TRNT1: variants seen among roughly 807,000 people sequenced by gnomAD.
TRNT1 encodes tRNA nucleotidyl transferase 1.
In TRNT1, 44 loss-of-function variants were observed where a neutral mutation model predicts 45.6. That is an observed-to-expected ratio of 0.97 (90% confidence interval 0.76 to 1.24). TRNT1 has a LOEUF of 1.24. TRNT1 is among the 50% of genes most tolerant of loss of function. The pLI is 0.00. For synonymous variants in TRNT1, 201 were observed against 171.4 expected (o/e 1.17, Z -1.35); for missense variants, 633 against 504.4 (o/e 1.25, Z -2.44).
At position 3,148,247 on chromosome 3, in the gene TRNT1, A is replaced by AAGAC; in HGVS notation, c.*96_*99dup. On this transcript the variant is annotated 3_prime_UTR_variant, in exon 8 of 8. Coordinates refer to ENST00000251607, the MANE Select transcript of TRNT1 (RefSeq NM_182916.3). ...GGTTTTAGAGACTACACCAGAATAAAAGACAGTTTAGGGGACCTCTGTAGA... is the reference window on the plus strand; with the variant it reads ...GGTTTTAGAGACTACACCAGAATAAAAGACAGACAGTTTAGGGGACCTCTGTAGA... 1.4e-6 allele frequency: 2 copies of AAGAC among 1,425,090 alleles called. No individual in the cohort carries two copies. The highest frequency in any genetic ancestry group is 1.9e-6 in the Non-Finnish European group (2 of 1,052,434). The allele number at this position is 1,425,090 out of a possible 1,614,324, so 88.3% of individuals were successfully genotyped here.
intron 3 of TRNT1, among the ~76,000 whole-genome samples, chr3:3,137,811 A>G (rs1295747655): frequency 1.3e-5 from 2 of 152,122 alleles, no homozygotes; most frequent in African/African-American, 2.4e-5. Flanking sequence ...TAGTATATTT[A>G]TATCATAATT....
chr3:3,151,832 C>CAAACAAAG (rs756014342), downstream of TRNT1, among the ~76,000 whole-genome samples: 35 of 151,916 alleles, frequency 2.3e-4, no homozygotes, highest in Non-Finnish European at 4.3e-4. Context: ...CTGAAGCAAA[C>CAAACAAAG]AAACAAAAGG....
At chr3:3,139,786 G>C (rs540041613) in intron 3 of TRNT1, among the ~76,000 whole-genome samples, 3 of 152,298 alleles carry the variant, frequency 2.0e-5, no homozygotes, top group Non-Finnish European at 4.4e-5. Flanking sequence ...GGAGTGCACA[G>C]TGTGATCTCG....
At chr3:3,153,165 A>G, downstream of TRNT1, 1 of 428,942 alleles carries the variant, frequency 2.3e-6, no homozygotes, top group South Asian at 2.3e-5. Flanking sequence ...GATTGTCAAC[A>G]AGAATTAGGG....
chr3:3,146,651 T>G, intron 6 of TRNT1, 28 bp downstream of exon 6: 2 of 1,501,288 alleles, frequency 1.3e-6, no homozygotes, highest in Non-Finnish European at 1.8e-6. Flanking sequence ...AGTGTTTGAA[T>G]TTTTGGCAGT....
At chr3:3,130,223 G>A (rs1214456385) in intron 2 of TRNT1, 1 of 425,920 alleles carries the variant, frequency 2.3e-6, no homozygotes, top group African/African-American at 2.0e-5. Context: ...TTCACCTGGG[G>A]AGCTTTTAAA....
chr3:3,151,051 A>G (rs777941167), downstream of TRNT1: 26 of 1,613,564 alleles, frequency 1.6e-5, no homozygotes, highest in South Asian at 2.6e-4. Context: ...CATACCTAAG[A>G]AATTAAGGAA....
chr3:3,147,901 C>G lies in TRNT1; in HGVS notation c.1057-5C>G, dbSNP rs111642741. 6.2e-7 allele frequency: 1 copy of G among 1,603,284 alleles called. No individual in the cohort carries two copies. The highest frequency in any genetic ancestry group is 1.7e-5 in the Admixed American group (1 of 58,308). ...CGAAACTAAATGTTTGATTTTGACACGTAGTCTAGGGAACCTGATGCAACT... is the reference window on the plus strand; with the variant it reads ...CGAAACTAAATGTTTGATTTTGACAGGTAGTCTAGGGAACCTGATGCAACT... On this transcript the variant is annotated splice_region_variant and splice_polypyrimidine_tract_variant and intron_variant, in intron 7 of 7. Transcript: ENST00000251607.
chr3:3,147,872 G>A (rs1335595781), intron 7 of TRNT1, 34 bp from the exon 8 acceptor site: 4 of 1,587,846 alleles, frequency 2.5e-6, no homozygotes, highest in Non-Finnish European at 2.6e-6. Context: ...GTTTTCATGT[G>A]TGACGAAACT....
chr3:3,152,150 A>AT (rs66844241), downstream of TRNT1, among the ~76,000 whole-genome samples: 158 of 147,132 alleles, frequency 1.1e-3, 1 homozygote, highest in South Asian at 6.6e-3. Flanking sequence ...ATTTAAATAA[A>AT]TTTTTTTTTT....
chr3:3,150,575 T>C (rs1490038820), downstream of TRNT1: 1 of 286,928 alleles, frequency 3.5e-6, no homozygotes, highest in Non-Finnish European at 6.8e-6. Context: ...TGTCTTCATG[T>C]CCCATCAATG....
chr3:3,140,441 T>C (rs1287017267), intron 3 of TRNT1, 69 bp from the exon 4 acceptor site: 19 of 1,525,228 alleles, frequency 1.2e-5, no homozygotes, highest in South Asian at 1.2e-4. Context: ...CAAAAACTTA[T>C]TTTTTTCAAT....
chr3:3,152,893 G>A, downstream of TRNT1: 1 of 413,236 alleles, frequency 2.4e-6, no homozygotes, highest in South Asian at 2.5e-5. Flanking sequence ...TTCTAAAGGA[G>A]TCTGAGAGTG....
downstream of TRNT1, among the ~76,000 whole-genome samples, chr3:3,151,908 C>G (rs187822001): frequency 6.6e-6 from 1 of 152,162 alleles, no homozygotes; most frequent in Admixed American, 6.5e-5. Flanking sequence ...GCTTTGTAAA[C>G]ATTCTCCGGT....
chr3:3,129,603 A>G (rs1457447814), intron 2 of TRNT1: 3 of 498,846 alleles, frequency 6.0e-6, no homozygotes, highest in African/African-American at 4.2e-5. Context: ...AAGGAATATT[A>G]AAAGAGAAAG....
downstream of TRNT1, chr3:3,150,876 G>A (rs1401139815): frequency 3.7e-6 from 6 of 1,613,532 alleles, no homozygotes; most frequent in South Asian, 3.3e-5. Flanking sequence ...TACAAGCAAA[G>A]TATTACTTTG....
At chr3:3,139,519 A>G (rs1559222719) in intron 3 of TRNT1, among the ~76,000 whole-genome samples, 1 of 152,164 alleles carries the variant, frequency 6.6e-6, no homozygotes, top group East Asian at 1.9e-4. Flanking sequence ...CCTGTCAGAT[A>G]TACTTTCTCT....
intron 3 of TRNT1, 72 bp from the exon 4 acceptor site, chr3:3,140,438 T>C: frequency 2.0e-6 from 3 of 1,519,848 alleles, no homozygotes; most frequent in Non-Finnish European, 2.7e-6. Context: ...AGACAAAAAC[T>C]TATTTTTTTC....
At chr3:3,129,949 A>G in intron 2 of TRNT1, 3 of 1,550,592 alleles carry the variant, frequency 1.9e-6, no homozygotes, top group South Asian at 1.2e-5. Flanking sequence ...AACTGAAGGA[A>G]GAAGGAAATA....
Sources: allele counts gnomAD v4.1 joint callset (sites outside exome capture counted in the v4.1 genomes callset), GRCh38; gene constraint gnomAD v4.1.1; transcripts MANE v1.5; gene names NCBI Gene and HGNC (gene_info 2026-07-23, HGNC 2026-07-21).